The following SCIN variants were observed in gnomAD, a reference collection of about 807,000 sequenced individuals.
SCIN encodes scinderin.
A neutral mutation model predicts 91.8 loss-of-function variants in SCIN; 91 were observed. The ratio of observed to expected loss-of-function variants is 0.99; its 90% confidence interval spans 0.84 to 1.18. The LOEUF (loss-of-function observed/expected upper bound fraction) is 1.18. Ranked by LOEUF, SCIN falls within the 50% of genes most tolerant of loss-of-function variation. The pLI is 0.00. For synonymous variants in SCIN, 367 were observed against 312.6 expected, an observed-to-expected ratio of 1.17 and a Z score of -1.84; for missense variants, 1,087 against 863.9, an observed-to-expected ratio of 1.26 and a Z score of -3.24.
intron 10 of SCIN, among the ~76,000 whole-genome samples, chr7:12,636,924 A>T (rs1783764317): frequency 6.6e-6 from 1 of 152,052 alleles, no homozygotes; most frequent in African/African-American, 2.4e-5. Context: ...AAAATTAAAA[A>T]AAAAGAAGGT....
chr7:12,596,878 T>G (rs1229588616), intron 3 of SCIN, among the ~76,000 whole-genome samples: 3 of 152,206 alleles, frequency 2.0e-5, no homozygotes, highest in African/African-American at 7.2e-5. Context: ...CACATCCAAA[T>G]GGCATTATTG....
At chr7:12,604,695 T>A (rs1783035552) in intron 4 of SCIN, 32 bp downstream of exon 4, 21 of 1,534,688 alleles carry the variant, frequency 1.4e-5, no homozygotes, top group Non-Finnish European at 1.8e-5. Context: ...GTTAAAGGGT[T>A]ACCACTCCAA....
intron 4 of SCIN, among the ~76,000 whole-genome samples, chr7:12,616,940 A>T (rs1268190144): frequency 6.6e-6 from 1 of 152,156 alleles, no homozygotes; most frequent in Non-Finnish European, 1.5e-5. Context: ...AGAGGGATAT[A>T]CAGGTCTATA....
In SCIN at chr7:12,659,728, C is replaced by CATGGA. The variant is rs1784227556; in HGVS notation, c.*7013_*7014insATGGA. On this transcript the variant is annotated 3_prime_UTR_variant, in exon 16 of 16. Coordinates refer to ENST00000297029, the MANE Select transcript of SCIN (RefSeq NM_001112706.3). ...TGGCTAAAATGGCACAGTGGCAAAT[C>CATGGA]CTGACCATGGACTGCCCTATGCAAA... 1 of 154,962 alleles carries CATGGA rather than the reference C, an allele frequency of 6.5e-6. No individual in the cohort carries two copies. The highest frequency in any genetic ancestry group is 2.4e-5 in the African/African-American group (1 of 41,458). The allele number at this position is 154,962 out of a possible 1,614,324, so 9.6% of individuals were successfully genotyped here.
In SCIN at chr7:12,582,724, T is replaced by A. The variant is rs76958653; in HGVS notation, c.516+1503T>A. Among the ~76,000 whole-genome samples, 218 of 152,182 alleles carry A rather than the reference T, an allele frequency of 1.4e-3. 1 individual carries two copies. Among genetic ancestry groups the A allele is most frequent in the African/African-American group, 5.1e-3 (211 of 41,532 alleles). On this transcript the variant is annotated intron_variant, in intron 3 of 15. Coordinates refer to ENST00000297029, the MANE Select transcript of SCIN (RefSeq NM_001112706.3). ...ATATCTAGGCAGAATACACATACTG[T>A]TCCACCCTTCCATTCTCCCCTACCG...
At chr7:12,606,863 T>C (rs1783090046) in intron 4 of SCIN, among the ~76,000 whole-genome samples, 1 of 152,232 alleles carries the variant, frequency 6.6e-6, no homozygotes, top group African/African-American at 2.4e-5. Flanking sequence ...TAGAATAACA[T>C]AGCTAATAAA....
At chr7:12,636,478 C>A (rs1204054624) in intron 10 of SCIN, among the ~76,000 whole-genome samples, 1 of 152,146 alleles carries the variant, frequency 6.6e-6, no homozygotes, top group African/African-American at 2.4e-5. Context: ...ATACAGTAGG[C>A]AGAATAATGC....
chr7:12,611,900 G>A (rs1355229857), intron 4 of SCIN, among the ~76,000 whole-genome samples: 1 of 150,340 alleles, frequency 6.7e-6, no homozygotes, highest in Non-Finnish European at 1.5e-5. Context: ...TCCAGCCTGG[G>A]CAACATAAAG....
At chr7:12,604,407 G>A in intron 3 of SCIN, 107 bp from the exon 4 acceptor site, 4 of 950,890 alleles carry the variant, frequency 4.2e-6, no homozygotes, top group East Asian at 2.6e-5. Context: ...CTCAACAATA[G>A]GTCATTTAAT....
chr7:12,614,333 A>G (rs1451402239), intron 4 of SCIN, among the ~76,000 whole-genome samples: 1 of 152,158 alleles, frequency 6.6e-6, no homozygotes, highest in Non-Finnish European at 1.5e-5. Flanking sequence ...ATGGATTTTA[A>G]TTGCTGCAAA....
At chr7:12,581,782 C>T (rs912795181) in intron 3 of SCIN, among the ~76,000 whole-genome samples, 1 of 152,178 alleles carries the variant, frequency 6.6e-6, no homozygotes, top group African/African-American at 2.4e-5. Context: ...GGAAAAGACG[C>T]TCCTCTAATA....
chr7:12,644,703 G>A lies in SCIN; in HGVS notation c.1879G>A (p.Val627Ile). Residue 627 changes from valine to isoleucine, a missense_variant and splice_region_variant, in exon 13 of 16, where the codon GTT becomes ATT. Transcript: ENST00000297029. Reference sequence around the variant, plus strand: ...CTGCTCTAACAAAACTGGAAGATTTGTTGTAAGTGTCCTTAAAAATAGTGC... The same window carrying A: ...CTGCTCTAACAAAACTGGAAGATTTATTGTAAGTGTCCTTAAAAATAGTGC... ...YGCSNKTGRF[V>I]IEEIPGEFTQ... 6.4e-7 allele frequency: 1 copy of A among 1,559,092 alleles called. No homozygotes were observed. The highest frequency in any genetic ancestry group is 1.2e-5 in the South Asian group (1 of 84,660).
intron 6 of SCIN, 39 bp downstream of exon 6, chr7:12,625,181 T>C (rs776084279): frequency 1.4e-5 from 22 of 1,561,680 alleles, no homozygotes; most frequent in Admixed American, 1.9e-5. Flanking sequence ...TTCAGATTTA[T>C]AGATATTTCC....
At chr7:12,571,317 G>T in intron 1 of SCIN, 1 of 386,464 alleles carries the variant, frequency 2.6e-6, no homozygotes, top group Non-Finnish European at 4.8e-6. Flanking sequence ...CAGGGCCGCT[G>T]CCTCAGCGCA....
chr7:12,644,296 C>T lies in SCIN; in HGVS notation c.1740C>T (p.Ile580=), dbSNP rs1222658832. ...ASVLKCKTLR[I]QEGEEPEEFW... ...TCCTAAAGTGCAAAACCTTAAGGAT[C>T]CAAGAAGGCGAGGAGCCAGGTGTGT... The change falls in exon 12 of 16, where the codon ATC becomes ATT. Residue 580 remains isoleucine (I), a synonymous_variant. Coordinates refer to ENST00000297029, the MANE Select transcript of SCIN (RefSeq NM_001112706.3). 2 of 1,589,104 alleles carry T rather than the reference C, an allele frequency of 1.3e-6. No homozygotes were observed. Among genetic ancestry groups the T allele is most frequent in the South Asian group, 2.3e-5 (2 of 87,218 alleles).
intron 1 of SCIN, among the ~76,000 whole-genome samples, chr7:12,577,023 C>G (rs1782387116): frequency 6.6e-6 from 1 of 152,150 alleles, no homozygotes; most frequent in Non-Finnish European, 1.5e-5. Context: ...TTTATGTACA[C>G]TACAGACACT....
chr7:12,608,873 T>C (rs1339154938), intron 4 of SCIN, among the ~76,000 whole-genome samples: 2 of 152,214 alleles, frequency 1.3e-5, no homozygotes, highest in Non-Finnish European at 2.9e-5. Flanking sequence ...AAGTTAGAAA[T>C]GGCTTGAAAG....
intron 11 of SCIN, 106 bp downstream of exon 11, chr7:12,640,623 C>T: frequency 1.0e-6 from 1 of 992,426 alleles, no homozygotes. Context: ...AAACTCCCTT[C>T]ATTCCTATAA....
chr7:12,581,121 T>G lies in SCIN; in HGVS notation c.416T>G (p.Leu139Arg). The G allele has an allele frequency of 6.4e-7, 1 of 1,551,474 alleles. No individual in the cohort carries two copies. The highest frequency in any genetic ancestry group is 8.7e-7 in the Non-Finnish European group (1 of 1,146,816). The change falls in exon 3 of 16, where the codon CTC becomes CGC. Residue 139 changes from leucine (L) to arginine (R), a missense_variant. Transcript: ENST00000297029. ...VLTNDLTAKR[L>R]LHVKGRRVVR... ...ACGAACGACCTGACAGCCAAGAGGC[T>G]CCTACATGTGAAGGGTCGTAGAGTG...
Sources: gnomAD v4.1 joint callset for allele counts (sites outside exome capture counted in the v4.1 genomes callset) on GRCh38, gnomAD v4.1.1 for gene constraint, MANE v1.5 for transcripts, NCBI Gene and HGNC (gene_info 2026-07-23, HGNC 2026-07-21) for gene names.